The following BBOX1 variants were observed in gnomAD, a reference collection of about 807,000 sequenced individuals.
The protein encoded by BBOX1 is gamma-butyrobetaine dioxygenase.
A neutral mutation model predicts 41.6 loss-of-function variants in BBOX1; 35 were observed. The observed-to-expected ratio is 0.84, with a 90% CI of 0.64 to 1.11. The LOEUF is 1.11. Ranked by LOEUF, BBOX1 falls within the 50% of genes most tolerant of loss-of-function variation. The probability of loss-of-function intolerance (pLI) is 0.00; values close to 1 mark genes in which losing one functional copy is unlikely to be tolerated. For missense variants in BBOX1, 458 were observed against 460.6 expected (o/e 0.99, Z 0.05); for synonymous variants, 163 against 154.7 (o/e 1.05, Z -0.40).
chr11:27,046,763 G>A (rs1415010879), intron 2 of BBOX1, among the ~76,000 whole-genome samples: 1 of 152,030 alleles, frequency 6.6e-6, no homozygotes, highest in African/African-American at 2.4e-5. Flanking sequence ...AAACAGAGTA[G>A]CTTATCATCT....
intron 4 of BBOX1, among the ~76,000 whole-genome samples, chr11:27,072,479 G>C (rs1857486719): frequency 6.6e-6 from 1 of 152,132 alleles, no homozygotes; most frequent in African/African-American, 2.4e-5. Flanking sequence ...TCAATATCGT[G>C]AAAATGGCCA....
At chr11:27,045,019 C>T (rs944597127) in intron 2 of BBOX1, among the ~76,000 whole-genome samples, 54 of 152,252 alleles carry the variant, frequency 3.5e-4, no homozygotes, top group Admixed American at 1.1e-3. Context: ...TTACCTTGGG[C>T]AGTATGGCCA....
At chr11:27,102,773 G>A (rs2134065403) in intron 5 of BBOX1, among the ~76,000 whole-genome samples, 1 of 149,922 alleles carries the variant, frequency 6.7e-6, no homozygotes, top group East Asian at 1.9e-4. Flanking sequence ...ATTCTTGCAT[G>A]TTGACAGCAG....
Position 27,041,218 on chromosome 11 carries a change from CA to C in BBOX1, c.-292del, listed in dbSNP as rs1206763562. The C allele has an allele frequency of 7.1e-6, 1 of 140,982 alleles. No homozygotes were observed. Among genetic ancestry groups the C allele is most frequent in the East Asian group, 2.1e-4 (1 of 4,772 alleles). The allele number at this position is 140,982 out of a possible 1,614,324, so 8.7% of individuals were successfully genotyped here. ...TTTTTTTTTTAAAAAAAACACAGCA[CA>C]AAAAAACAAAGACAAAAAACCTCCA... is the stretch of plus-strand genomic sequence containing the variant. On this transcript the variant is annotated 5_prime_UTR_variant, in exon 2 of 9. Coordinates refer to ENST00000263182, the MANE Select transcript of BBOX1 (RefSeq NM_003986.3).
chr11:27,045,372 C>A (rs1366421336), intron 2 of BBOX1, among the ~76,000 whole-genome samples: 1 of 152,144 alleles, frequency 6.6e-6, no homozygotes, highest in African/African-American at 2.4e-5. Context: ...ATGTCATCTG[C>A]AAACAAAGAC....
At chr11:27,112,251 AAC>A (rs1298510708) in intron 5 of BBOX1, among the ~76,000 whole-genome samples, 1 of 151,960 alleles carries the variant, frequency 6.6e-6, no homozygotes, top group African/African-American at 2.4e-5. Context: ...AGCAAGTTTA[AAC>A]ACAGTGTCCT....
chr11:27,118,680 G>C (rs1428478602), intron 6 of BBOX1, among the ~76,000 whole-genome samples: 1 of 151,948 alleles, frequency 6.6e-6, no homozygotes, highest in Non-Finnish European at 1.5e-5. Context: ...AGCAATAAAA[G>C]TATTGTCAGG....
intron 2 of BBOX1, chr11:27,047,167 TG>T (rs1401320771): frequency 1.3e-5 from 2 of 152,188 alleles, no homozygotes; most frequent in Non-Finnish European, 2.9e-5. Flanking sequence ...CCATGTGCCT[TG>T]GGCACCCTCC....
At chr11:27,065,872 AC>A (rs1276455555) in intron 4 of BBOX1, among the ~76,000 whole-genome samples, 3 of 152,170 alleles carry the variant, frequency 2.0e-5, no homozygotes, top group African/African-American at 7.2e-5. Flanking sequence ...ACTTCATAAG[AC>A]AATGTTAGTG....
At chr11:27,076,165 C>T (rs1215787203) in intron 4 of BBOX1, among the ~76,000 whole-genome samples, 2 of 152,160 alleles carry the variant, frequency 1.3e-5, no homozygotes, top group Non-Finnish European at 2.9e-5. Flanking sequence ...AGTGGGGCTG[C>T]CACACTCCAG....
At chr11:27,089,350 C>G (rs1349746886) in intron 4 of BBOX1, among the ~76,000 whole-genome samples, 1 of 151,770 alleles carries the variant, frequency 6.6e-6, no homozygotes, top group Non-Finnish European at 1.5e-5. Context: ...ATAGTCTGTA[C>G]CACTATCATC....
chr11:27,090,759 A>T (rs1056625928), intron 4 of BBOX1, among the ~76,000 whole-genome samples: 3 of 151,882 alleles, frequency 2.0e-5, no homozygotes, highest in Non-Finnish European at 4.4e-5. Context: ...CTCAGTCCTT[A>T]TCTCAAACAC....
rs1375838065 is a variant in BBOX1 at position 27,102,349 on chromosome 11, T to C, written c.533+8983T>C. Among the ~76,000 whole-genome samples, 3 of 152,166 alleles carry C rather than the reference T, an allele frequency of 2.0e-5. No homozygotes were observed. In the East Asian group the frequency reaches 5.8e-4, roughly 29 times the overall value. Reference sequence around the variant, plus strand: ...TATAATACAGATACAGAAAGTCGCATAAAATAAATGTATAGCTTAATGAAC... The same window carrying C: ...TATAATACAGATACAGAAAGTCGCACAAAATAAATGTATAGCTTAATGAAC... On this transcript the variant is annotated intron_variant, in intron 5 of 8. Coordinates refer to ENST00000263182, the MANE Select transcript of BBOX1 (RefSeq NM_003986.3).
rs202184968 is a variant in BBOX1 at position 27,088,068 on chromosome 11, AGTATATTATAG to A, written c.335-5097_335-5087del. On this transcript the variant is annotated intron_variant, in intron 4 of 8. Transcript: ENST00000263182. Reference sequence around the variant, plus strand: ...AAATCTTTCTGTATTTTTAAAACAAAGTATATTATAGGTGAGTGTGTGTGGGTGCTATTTTA... The same window carrying A: ...AAATCTTTCTGTATTTTTAAAACAAAGTGAGTGTGTGTGGGTGCTATTTTA... 5.3e-3 allele frequency among the ~76,000 whole-genome samples: 807 copies of A among 152,092 alleles called. 13 individuals carry two copies. Among genetic ancestry groups the A allele is most frequent in the African/African-American group, 0.018 (760 of 41,556 alleles).
chr11:27,094,854 T>C (rs1468528525), intron 5 of BBOX1, among the ~76,000 whole-genome samples: 1 of 151,976 alleles, frequency 6.6e-6, no homozygotes, highest in Admixed American at 6.6e-5. Flanking sequence ...CCCTTACACC[T>C]GCAAGAATTT....
At position 27,093,395 on chromosome 11, in the gene BBOX1, C is replaced by T. The variant is rs774642883; in HGVS notation, c.533+29C>T. ...AGTCACCAAATGGTTTGTATTCTGC[C>T]ATCACAGATAAGGTTTGAAATAGTT... On this transcript the variant is annotated intron_variant, in intron 5 of 8. Transcript: ENST00000263182. The T allele has an allele frequency of 3.1e-6, 5 of 1,604,674 alleles. No homozygotes were observed. The South Asian group carries it at 5.5e-5, about 18-fold the overall frequency.
chr11:27,097,185 C>T (rs548291173), intron 5 of BBOX1, among the ~76,000 whole-genome samples: 43 of 132,538 alleles, frequency 3.2e-4, no homozygotes, highest in African/African-American at 1.4e-3. Flanking sequence ...TTTTTACAGA[C>T]TAGGCCAAAA....
chr11:27,085,555 A>ATGTCTCTCTCTC (rs1858005434), intron 4 of BBOX1, among the ~76,000 whole-genome samples: 3 of 134,754 alleles, frequency 2.2e-5, no homozygotes, highest in Non-Finnish European at 3.3e-5. Flanking sequence ...ACATTCCCCC[A>ATGTCTCTCTCTC]TCTCTCTCTC....
chr11:27,100,247 C>A (rs966457792), intron 5 of BBOX1, among the ~76,000 whole-genome samples: 2 of 152,094 alleles, frequency 1.3e-5, no homozygotes, highest in Admixed American at 6.6e-5. Flanking sequence ...ATACTTGTTA[C>A]CAGAAAACAG....
Sources: gnomAD v4.1 joint callset for allele counts (sites outside exome capture counted in the v4.1 genomes callset) on GRCh38, gnomAD v4.1.1 for gene constraint, MANE v1.5 for transcripts, NCBI Gene and HGNC (gene_info 2026-07-23, HGNC 2026-07-21) for gene names.